The following XKR6 variants were observed in gnomAD, a reference collection of about 807,000 sequenced individuals.
XKR6 encodes the protein XK-related protein 6.
Under a neutral mutation model 56.7 loss-of-function variants are expected in XKR6, and 22 were observed. The observed-to-expected ratio is 0.39, with a 90% confidence interval of 0.28 to 0.55. The LOEUF is 0.55. XKR6 is among the 20% of genes least tolerant of loss of function. XKR6 has a pLI of 0.66. For synonymous variants in XKR6, 524 were observed against 387.8 expected, an observed-to-expected ratio of 1.35 and a Z score of -4.13; for missense variants, 852 against 889.0, an observed-to-expected ratio of 0.96 and a Z score of 0.53.
At chr8:11,151,027 A>G (rs1304187015) in intron 1 of XKR6, among the ~76,000 whole-genome samples, 1 of 152,094 alleles carries the variant, frequency 6.6e-6, no homozygotes, top group Non-Finnish European at 1.5e-5. Context: ...ATTCCTCCCA[A>G]GAAAAAATAA....
chr8:11,185,252 A>C (rs765420857), intron 1 of XKR6, among the ~76,000 whole-genome samples: 34 of 152,190 alleles, frequency 2.2e-4, no homozygotes, highest in Admixed American at 1.9e-3. Flanking sequence ...ACGTTGCATT[A>C]ATCTTTCTTA....
chr8:10,898,468 G>C lies in XKR6; in HGVS notation c.1410C>G (p.Asp470Glu). 6.2e-7 allele frequency: 1 copy of C among 1,613,996 alleles called. No individual in the cohort carries two copies. The highest frequency in any genetic ancestry group is 8.5e-7 in the Non-Finnish European group (1 of 1,180,012). The change falls in exon 3 of 3, where the codon GAC becomes GAG. Residue 470 changes from aspartate to glutamate, a missense_variant. By Grantham distance (45) the Asp-to-Glu change is conservative (BLOSUM62 2). This residue lies in a region of XKR6 where 197 missense variants were observed against 190.9 expected (regional missense o/e 1.03). Coordinates refer to ENST00000416569, the MANE Select transcript of XKR6 (RefSeq NM_173683.4). This position sits in a 1 kb window ranked among gnomAD's most constrained non-coding sequence, Gnocchi z 6.6. ...AACACAGTGCTGGCACCGCATAGGA[G>C]TCAGTGGTCTCCGGGTCTCTGTAAA... ...WYFYRDPETT[D>E]SYAVPALCCV...
chr8:11,101,033 G>A (rs1181861472), intron 1 of XKR6, among the ~76,000 whole-genome samples: 2 of 152,176 alleles, frequency 1.3e-5, no homozygotes, highest in Non-Finnish European at 2.9e-5. Context: ...CACATCGGAC[G>A]AAAGAGGCTG....
chr8:11,121,564 G>C (rs1439191150), intron 1 of XKR6, among the ~76,000 whole-genome samples: 1 of 152,168 alleles, frequency 6.6e-6, no homozygotes, highest in Non-Finnish European at 1.5e-5. Context: ...TGGAGAAACA[G>C]GAACACTTTT....
Position 10,937,944 on chromosome 8 carries a change from C to A in XKR6, c.765-13114G>T, listed in dbSNP as rs958849645. The stretch of plus-strand genomic sequence containing the variant: ...TGGGCTCCACCCAGTTCGAGCTTCC[C>A]GGCTGCTTTGTTTACCTAAGCAAGC... On this transcript the variant is annotated intron_variant, in intron 1 of 2. Transcript: ENST00000416569. Among the ~76,000 whole-genome samples, 33 of 151,278 alleles carry A rather than the reference C, an allele frequency of 2.2e-4. No homozygotes were observed. The East Asian group carries it at 5.4e-3, about 25-fold the overall frequency.
chr8:11,035,529 C>A lies in XKR6; in HGVS notation c.765-110699G>T, dbSNP rs963822158. Among the ~76,000 whole-genome samples the A allele has an allele frequency of 3.9e-5, 6 of 152,180 alleles. No individual in the cohort carries two copies. The East Asian group carries it at 5.8e-4, about 15-fold the overall frequency. ...AGCCCCAGGGTGGCCTGGGGAGGAA[C>A]CCCAGTGGCCTAAGAGCAAGTTCTG... On this transcript the variant is annotated intron_variant, in intron 1 of 2. Transcript: ENST00000416569.
At chr8:10,966,769 CA>C (rs1802237042) in intron 1 of XKR6, among the ~76,000 whole-genome samples, 1 of 152,174 alleles carries the variant, frequency 6.6e-6, no homozygotes, top group Non-Finnish European at 1.5e-5. Flanking sequence ...GGATGGGGCC[CA>C]GGAAACCAGG....
At chr8:11,154,946 T>A (rs150551437) in intron 1 of XKR6, among the ~76,000 whole-genome samples, 1 of 152,242 alleles carries the variant, frequency 6.6e-6, no homozygotes, top group Non-Finnish European at 1.5e-5. Flanking sequence ...GCTGACAACA[T>A]GTCTACTACT....
rs112325994 is a variant in XKR6, at chr8:11,177,298, T to C, written c.764+23278A>G. Among the ~76,000 whole-genome samples the C allele has an allele frequency of 2.0e-3, 312 of 152,318 alleles. 1 individual carries two copies. Among genetic ancestry groups the C allele is most frequent in the African/African-American group, 7.1e-3 (297 of 41,574 alleles). ...TGACCTGCATTACAGTATATTTTCA[T>C]AAACACAAAATGTCCTTATCTTAAG... On this transcript the variant is annotated intron_variant, in intron 1 of 2. Coordinates refer to ENST00000416569, the MANE Select transcript of XKR6 (RefSeq NM_173683.4).
chr8:10,977,515 C>T (rs180779488), intron 1 of XKR6, among the ~76,000 whole-genome samples: 1 of 151,362 alleles, frequency 6.6e-6, no homozygotes, highest in African/African-American at 2.4e-5. Flanking sequence ...CTGGATGCAA[C>T]CCAAAATATG....
intron 1 of XKR6, among the ~76,000 whole-genome samples, chr8:11,089,092 T>C (rs1797984063): frequency 6.6e-6 from 1 of 152,060 alleles, no homozygotes; most frequent in South Asian, 2.1e-4. Flanking sequence ...CAGGAAAGCA[T>C]AGGACGTGAC....
intron 1 of XKR6, among the ~76,000 whole-genome samples, chr8:10,968,945 A>C (rs968723888): frequency 6.6e-6 from 1 of 152,240 alleles, no homozygotes; most frequent in Non-Finnish European, 1.5e-5. Flanking sequence ...CTTCCAATTT[A>C]GTATGTTCAA....
intron 1 of XKR6, among the ~76,000 whole-genome samples, chr8:11,042,941 G>A (rs1253263841): frequency 6.6e-6 from 1 of 152,074 alleles, no homozygotes; most frequent in African/African-American, 2.4e-5. Flanking sequence ...ACTCAGTGAG[G>A]CAGGGTGCAG....
intron 1 of XKR6, among the ~76,000 whole-genome samples, chr8:10,977,928 G>A: frequency 6.6e-6 from 1 of 152,040 alleles, no homozygotes; most frequent in East Asian, 1.9e-4. Context: ...TGATACAGGC[G>A]ATGACTCCAG....
intron 1 of XKR6, among the ~76,000 whole-genome samples, chr8:11,091,285 T>TA (rs1238390745): frequency 2.0e-5 from 3 of 151,774 alleles, no homozygotes; most frequent in African/African-American, 7.3e-5. Context: ...AAATTATTTA[T>TA]AAATTAGCCA....
At chr8:10,967,676 A>G (rs1337944098) in intron 1 of XKR6, among the ~76,000 whole-genome samples, 1 of 152,238 alleles carries the variant, frequency 6.6e-6, no homozygotes, top group African/African-American at 2.4e-5. Context: ...GAAACAGGGC[A>G]GAGGGTCTGC....
chr8:11,018,659 G>T (rs1277647641), intron 1 of XKR6, among the ~76,000 whole-genome samples: 1 of 152,178 alleles, frequency 6.6e-6, no homozygotes, highest in Non-Finnish European at 1.5e-5. Flanking sequence ...CCTTATTTGT[G>T]AAATGTTGTC....
chr8:11,176,747 C>T (rs73530582), intron 1 of XKR6, among the ~76,000 whole-genome samples: 1 of 151,950 alleles, frequency 6.6e-6, no homozygotes, highest in African/African-American at 2.4e-5. Context: ...TCTGCAGTAT[C>T]TTCCTCAAAG....
chr8:10,909,238 A>G (rs1438861962), intron 2 of XKR6, among the ~76,000 whole-genome samples: 1 of 152,138 alleles, frequency 6.6e-6, no homozygotes, highest in Admixed American at 6.5e-5. Context: ...CTATGTTAAG[A>G]CACAGCAAAG....
Sources: allele counts gnomAD v4.1 joint callset (sites outside exome capture counted in the v4.1 genomes callset), GRCh38; gene constraint gnomAD v4.1.1; regional missense constraint gnomAD v4.1.1; non-coding constraint Gnocchi (gnomAD v3.1); transcripts MANE v1.5; gene names NCBI Gene and HGNC (gene_info 2026-07-23, HGNC 2026-07-21).